Variants in GALNT11 observed in about 807,000 individuals in gnomAD.
GALNT11 encodes UDP-GalNAc:polypeptide N-acetylgalactosaminyltransferase 11.
Under a neutral mutation model 72.7 loss-of-function variants are expected in GALNT11, and 47 were observed. That is an observed-to-expected ratio of 0.65 (90% CI 0.51 to 0.82). GALNT11 has a LOEUF of 0.82. Ranked by LOEUF, GALNT11 falls within the 40% of genes least tolerant of loss-of-function variation. The pLI is 0.00. For missense variants in GALNT11, 677 were observed against 778.4 expected, an observed-to-expected ratio of 0.87 and a Z score of 1.55; for synonymous variants, 270 against 286.6, an observed-to-expected ratio of 0.94 and a Z score of 0.58.
intron 1 of GALNT11, among the ~76,000 whole-genome samples, chr7:152,046,605 A>G (rs577589054): frequency 2.3e-4 from 35 of 152,320 alleles, no homozygotes; most frequent in African/African-American, 7.5e-4. Flanking sequence ...TGATATAAAT[A>G]TAGCTACTCC....
chr7:152,090,658 C>T (rs1444567318), intron 1 of GALNT11, among the ~76,000 whole-genome samples: 1 of 144,578 alleles, frequency 6.9e-6, no homozygotes, highest in Non-Finnish European at 1.5e-5. Flanking sequence ...CCCCCCACCC[C>T]ACCCCACCCT....
chr7:152,033,516 G>T (rs373406348), intron 1 of GALNT11, among the ~76,000 whole-genome samples: 1 of 152,124 alleles, frequency 6.6e-6, no homozygotes. Context: ...TGATATCCAC[G>T]GCTGATTGGG....
intron 1 of GALNT11, among the ~76,000 whole-genome samples, chr7:152,088,164 A>G (rs2085772281): frequency 6.6e-6 from 1 of 152,186 alleles, no homozygotes; most frequent in African/African-American, 2.4e-5. Flanking sequence ...ACCACCCTCC[A>G]TTATTATATT....
At chr7:152,086,760 G>C (rs1419789962) in intron 1 of GALNT11, among the ~76,000 whole-genome samples, 1 of 152,194 alleles carries the variant, frequency 6.6e-6, no homozygotes, top group Non-Finnish European at 1.5e-5. Flanking sequence ...ATTTGTTGTT[G>C]TCAGTGAATT....
chr7:152,072,326 A>AG (rs1554423151), intron 1 of GALNT11, among the ~76,000 whole-genome samples: 4 of 151,780 alleles, frequency 2.6e-5, no homozygotes, highest in African/African-American at 9.7e-5. Context: ...AAAAAAAAAA[A>AG]AAAAAAGAAA....
At chr7:152,081,858 CTCA>C (rs1295970095) in intron 1 of GALNT11, among the ~76,000 whole-genome samples, 3 of 152,086 alleles carry the variant, frequency 2.0e-5, no homozygotes, top group Non-Finnish European at 2.9e-5. Flanking sequence ...ATATACTTTT[CTCA>C]TCTTTTTTCA....
chr7:152,031,222 G>A lies in GALNT11; in HGVS notation c.-39+5338G>A, dbSNP rs571824528. Among the ~76,000 whole-genome samples the A allele has an allele frequency of 7.1e-4, 108 of 152,298 alleles. 1 individual carries two copies. The highest frequency in any genetic ancestry group is 1.9e-3 in the African/African-American group (79 of 41,564). On this transcript the variant is annotated intron_variant, in intron 1 of 11. Transcript: ENST00000430044. Reference sequence around the variant, plus strand: ...CTAACTATGGCATAACCTGCCCTTCGTATCCCATTCTCCACAAATGAACTT... The same window carrying A: ...CTAACTATGGCATAACCTGCCCTTCATATCCCATTCTCCACAAATGAACTT...
chr7:152,083,876 G>A (rs112312660), intron 1 of GALNT11, among the ~76,000 whole-genome samples: 114 of 152,206 alleles, frequency 7.5e-4, no homozygotes, highest in Middle Eastern at 6.8e-3. Context: ...ACCTTTTGGA[G>A]CTTCTTATTG....
At chr7:152,061,476 T>A (rs1482882437) in intron 1 of GALNT11, among the ~76,000 whole-genome samples, 1 of 152,232 alleles carries the variant, frequency 6.6e-6, no homozygotes, top group African/African-American at 2.4e-5. Context: ...CTCTTTAGTT[T>A]AATTAGATCC....
intron 1 of GALNT11, among the ~76,000 whole-genome samples, chr7:152,047,198 C>T (rs780890476): frequency 6.6e-5 from 10 of 152,004 alleles, no homozygotes; most frequent in Non-Finnish European, 8.8e-5. Context: ...GGGCTGGGCA[C>T]GGTGGTTCAC....
At chr7:152,064,749 A>G (rs2084211602) in intron 1 of GALNT11, among the ~76,000 whole-genome samples, 1 of 152,096 alleles carries the variant, frequency 6.6e-6, no homozygotes. Flanking sequence ...CTGGGTTGAA[A>G]TTTCTTTTCT....
chr7:152,043,340 G>GCT (rs2082959347), intron 1 of GALNT11, among the ~76,000 whole-genome samples: 1 of 152,210 alleles, frequency 6.6e-6, no homozygotes, highest in Non-Finnish European at 1.5e-5. Flanking sequence ...CCAGGCAGAA[G>GCT]GCTCACAGCT....
chr7:152,114,499 C>T (rs2088626820), intron 8 of GALNT11, among the ~76,000 whole-genome samples: 1 of 152,072 alleles, frequency 6.6e-6, no homozygotes, highest in Non-Finnish European at 1.5e-5. Context: ...AATAATATTC[C>T]ATTGTATGAA....
chr7:152,035,904 T>G (rs1245760637), intron 1 of GALNT11, among the ~76,000 whole-genome samples: 1 of 152,198 alleles, frequency 6.6e-6, no homozygotes, highest in Non-Finnish European at 1.5e-5. Context: ...CAGTCTGATG[T>G]GGCTGCTGCG....
intron 2 of GALNT11, among the ~76,000 whole-genome samples, chr7:152,095,261 G>A (rs1017031072): frequency 6.6e-6 from 1 of 151,938 alleles, no homozygotes; most frequent in East Asian, 1.9e-4. Flanking sequence ...TTTGAATACT[G>A]CAATTTTAGA....
At chr7:152,056,551 A>G (rs2083688527) in intron 1 of GALNT11, among the ~76,000 whole-genome samples, 1 of 152,188 alleles carries the variant, frequency 6.6e-6, no homozygotes. Flanking sequence ...TTCTACACAC[A>G]TGTCCATGTG....
At chr7:152,046,976 T>G (rs1385692740) in intron 1 of GALNT11, among the ~76,000 whole-genome samples, 1 of 152,236 alleles carries the variant, frequency 6.6e-6, no homozygotes, top group Non-Finnish European at 1.5e-5. Context: ...TTTTTAGATT[T>G]GAGGTTACCA....
chr7:152,113,112 G>A (rs905955834), intron 7 of GALNT11, 134 bp from the exon 8 acceptor site: 7 of 866,170 alleles, frequency 8.1e-6, no homozygotes, highest in Non-Finnish European at 1.2e-5. Flanking sequence ...TTGAATATTT[G>A]TATCTAATAA....
intron 5 of GALNT11, among the ~76,000 whole-genome samples, chr7:152,106,206 A>G (rs2087534922): frequency 6.6e-6 from 1 of 152,224 alleles, no homozygotes; most frequent in Non-Finnish European, 1.5e-5. Context: ...AAATTTTGAA[A>G]ATCATTTGAG....
Sources: allele counts gnomAD v4.1 joint callset (sites outside exome capture counted in the v4.1 genomes callset), GRCh38; gene constraint gnomAD v4.1.1; transcripts MANE v1.5; gene names NCBI Gene and HGNC (gene_info 2026-07-23, HGNC 2026-07-21).